MARVELD2: variants seen among roughly 807,000 people sequenced by gnomAD.
MARVELD2 encodes the protein MARVEL domain containing 2, also known as MARVEL domain-containing protein 2.
A neutral mutation model predicts 57.6 loss-of-function variants in MARVELD2; 49 were observed. The ratio of observed to expected loss-of-function variants is 0.85; its 90% CI spans 0.68 to 1.08. The LOEUF (loss-of-function observed/expected upper bound fraction) is 1.08. Among genes scored for constraint, MARVELD2 ranks in the 50% least tolerant of loss-of-function variants. The pLI, the probability that MARVELD2 is intolerant of heterozygous loss-of-function variation, is 0.00. For synonymous variants in MARVELD2, 238 were observed against 258.8 expected (o/e 0.92, Z 0.77); for missense variants, 606 against 701.1 (o/e 0.86, Z 1.53).
At position 69,429,890 on chromosome 5, in the gene MARVELD2, GGTTA is replaced by G. The variant is rs1421986032; in HGVS notation, c.1183-2636_1183-2633del. 6.8e-5 allele frequency among the ~76,000 whole-genome samples: 8 copies of G among 116,868 alleles called. No homozygotes were observed. In the East Asian group the frequency reaches 2.0e-3, roughly 30 times the overall value. 76.7% of individuals were successfully genotyped at this position (116,868 alleles called of 152,430 possible). The stretch of plus-strand genomic sequence containing the variant: ...AGTATCAATAAACCAAATAGTTCTG[GGTTA>G]TTTATTTATTTATTTGTTTGTTTGT... On this transcript the variant is annotated intron_variant, in intron 3 of 6. Coordinates refer to ENST00000325631, the MANE Select transcript of MARVELD2 (RefSeq NM_001038603.3).
At chr5:69,426,388 G>A (rs1050875429) in intron 3 of MARVELD2, among the ~76,000 whole-genome samples, 4 of 148,904 alleles carry the variant, frequency 2.7e-5, no homozygotes, top group African/African-American at 9.8e-5. Flanking sequence ...AGGCTGGAGT[G>A]CAGTGGTGCG....
rs201914751 is a variant in MARVELD2, at chr5:69,419,977, G to A, written c.592G>A (p.Val198Met). 156 of 1,614,192 alleles carry A rather than the reference G, an allele frequency of 9.7e-5. No homozygotes were observed. In the East Asian group the frequency reaches 3.3e-3, roughly 34 times the overall value. The stretch of plus-strand genomic sequence containing the variant: ...GGCAGGCCTGCTGAGAATACTGGGT[G>A]TGGTGGAGCTGCTTTTGGGGGCCGG... ...SWAGLLRILG[V>M]VELLLGAGVF... Residue 198 changes from valine to methionine, a missense_variant, in exon 2 of 7, where the codon GTG (valine) becomes ATG (methionine). By Grantham distance (21) the Val-to-Met change is conservative. Transcript: ENST00000325631.
intron 3 of MARVELD2, among the ~76,000 whole-genome samples, chr5:69,430,720 G>A (rs1426320360): frequency 1.3e-5 from 2 of 151,628 alleles, no homozygotes; most frequent in African/African-American, 4.8e-5. Flanking sequence ...TTTTAGTAGA[G>A]ACAGGGTTTC....
At chr5:69,429,488 T>C (rs1295523453) in intron 3 of MARVELD2, among the ~76,000 whole-genome samples, 2 of 151,992 alleles carry the variant, frequency 1.3e-5, no homozygotes, top group African/African-American at 4.8e-5. Context: ...AAGGGGTCAG[T>C]AGAGGGGAGG....
At chr5:69,432,880 T>G (rs752527110) in intron 4 of MARVELD2, 42 bp from the exon 5 acceptor site, 13 of 1,612,328 alleles carry the variant, frequency 8.1e-6, no homozygotes, top group Non-Finnish European at 1.1e-5. Context: ...TCAGCTTCTT[T>G]TAGTGAAACA....
chr5:69,441,655 C>G lies in MARVELD2; in HGVS notation c.*1C>G. On this transcript the variant is annotated 3_prime_UTR_variant, in exon 7 of 7. Transcript: ENST00000325631. ...TTGGGATGTACAAGGTTATTCTTAA[C>G]GCTTATTTGAAACCACTTTATTTTT... 1.3e-6 allele frequency: 2 copies of G among 1,553,490 alleles called. No homozygotes were observed. Among genetic ancestry groups the G allele is most frequent in the African/African-American group, 1.4e-5 (1 of 73,632 alleles).
chr5:69,425,321 C>T (rs1367081876), intron 3 of MARVELD2, among the ~76,000 whole-genome samples: 11 of 149,418 alleles, frequency 7.4e-5, no homozygotes, highest in Non-Finnish European at 1.6e-4. Context: ...GTGCAGCGCA[C>T]CAGCATGGCA....
At chr5:69,424,672 T>C in intron 3 of MARVELD2, 36 bp downstream of exon 3, 2 of 1,494,906 alleles carry the variant, frequency 1.3e-6, no homozygotes, top group Non-Finnish European at 1.9e-6. Context: ...ATGCTTTAGA[T>C]TTGTTAATAC....
intron 3 of MARVELD2, among the ~76,000 whole-genome samples, chr5:69,428,025 T>C (rs1329944997): frequency 4.6e-5 from 7 of 151,084 alleles, no homozygotes; most frequent in African/African-American, 1.7e-4. Context: ...GGCAGGAGAG[T>C]GGCTTGAACT....
rs1561289726 is a variant in MARVELD2 at position 69,419,584 on chromosome 5, GA to G, written c.201del (p.Glu68AsnfsTer4). ...CCCAGACTTCTACTCAAGTGACACA[GA>G]AGAACCAGCTATAGCGCCAGATCTC... ...FGPDFYSSDTEEPAIAPDLKP... is the reference protein window; with the variant it reads ...FGPDFYSSDTXEPAIAPDLKP... On this transcript the variant is annotated frameshift_variant, in exon 2 of 7. Coordinates refer to ENST00000325631, the MANE Select transcript of MARVELD2 (RefSeq NM_001038603.3). LOFTEE classifies it high-confidence loss of function. The G allele has an allele frequency of 6.2e-7, 1 of 1,614,068 alleles. No individual in the cohort carries two copies. The highest frequency in any genetic ancestry group is 1.7e-5 in the Admixed American group (1 of 60,010).
At position 69,420,038 on chromosome 5, in the gene MARVELD2, A is replaced by G; in HGVS notation, c.653A>G (p.Asp218Gly). Residue 218 changes from aspartate (D) to glycine (G), a missense_variant, in exon 2 of 7, where the codon GAC (aspartate) becomes GGC (glycine). Transcript: ENST00000325631. The stretch of plus-strand genomic sequence containing the variant: ...TGTGTCACAGCTTACATTCACAAGG[A>G]CAGTGAGTGGTACAACTTGTTTGGA... ...FACVTAYIHK[D>G]SEWYNLFGYS... The G allele has an allele frequency of 3.1e-6, 5 of 1,614,186 alleles. No individual in the cohort carries two copies. The highest frequency in any genetic ancestry group is 4.2e-6 in the Non-Finnish European group (5 of 1,180,042).
At chr5:69,426,699 A>G (rs2150921620) in intron 3 of MARVELD2, among the ~76,000 whole-genome samples, 1 of 152,222 alleles carries the variant, frequency 6.6e-6, no homozygotes, top group East Asian at 1.9e-4. Flanking sequence ...AAAAGAGAGC[A>G]TATTTACTTG....
At chr5:69,424,546 T>A in intron 2 of MARVELD2, 55 bp from the exon 3 acceptor site, 1 of 1,462,342 alleles carries the variant, frequency 6.8e-7, no homozygotes, top group East Asian at 2.3e-5. Flanking sequence ...ATGAAAATAT[T>A]TGCAAAGTAG....
intron 2 of MARVELD2, among the ~76,000 whole-genome samples, chr5:69,422,284 G>A (rs1046215524): frequency 1.3e-4 from 20 of 152,192 alleles, no homozygotes; most frequent in Admixed American, 3.3e-4. Flanking sequence ...TGAGCTGGGC[G>A]GAACAGAGCC....
chr5:69,423,022 C>G (rs966704430), intron 2 of MARVELD2, among the ~76,000 whole-genome samples: 10 of 152,310 alleles, frequency 6.6e-5, no homozygotes, highest in Middle Eastern at 3.4e-3. Context: ...CTCAGCCCCC[C>G]TAGTAGCTGG....
At chr5:69,434,204 C>T (rs1018054147) in intron 5 of MARVELD2, among the ~76,000 whole-genome samples, 4 of 152,102 alleles carry the variant, frequency 2.6e-5, no homozygotes, top group African/African-American at 9.7e-5. Context: ...TGGCTTATGC[C>T]TGTAATCCCA....
Position 69,443,749 on chromosome 5 carries a change from A to C in MARVELD2, c.*2095A>C, listed in dbSNP as rs1247838527. 2.6e-5 allele frequency: 4 copies of C among 152,132 alleles called. No individual in the cohort carries two copies. The highest frequency in any genetic ancestry group is 4.4e-5 in the Non-Finnish European group (3 of 68,026). 9.4% of individuals were successfully genotyped at this position (152,132 alleles called of 1,614,324 possible). ...GTTTTCTAAAGTGATAAAACCAAAG[A>C]AAAGCATGTGGAAAAGCAGAAGCTT... is the stretch of plus-strand genomic sequence containing the variant. On this transcript the variant is annotated 3_prime_UTR_variant, in exon 7 of 7. Transcript: ENST00000325631.
chr5:69,432,654 T>C lies in MARVELD2; in HGVS notation c.1310T>C (p.Ile437Thr), dbSNP rs140452135. The change falls in exon 4 of 7, where the codon ATC becomes ACC. Residue 437 changes from isoleucine (I) to threonine (T), a missense_variant. By Grantham distance (89) the Ile-to-Thr change is moderately conservative (BLOSUM62 -1). Transcript: ENST00000325631. Reference sequence around the variant, plus strand: ...CCCCCAGGCCACATTCCTAAACCTATCGTGATGCCCGACTATGTGGCGTGA... The same window carrying C: ...CCCCCAGGCCACATTCCTAAACCTACCGTGATGCCCGACTATGTGGCGTGA... ...HIPPGHIPKPIVMPDYVAKYP... is the reference protein window; with the variant it reads ...HIPPGHIPKPTVMPDYVAKYP... 2.2e-5 allele frequency: 36 copies of C among 1,614,068 alleles called. No homozygotes were observed. The African/African-American group carries it at 4.5e-4, about 20-fold the overall frequency.
chr5:69,426,853 G>A (rs1230512521), intron 3 of MARVELD2, among the ~76,000 whole-genome samples: 1 of 151,858 alleles, frequency 6.6e-6, no homozygotes, highest in Non-Finnish European at 1.5e-5. Flanking sequence ...ATAATTTTTA[G>A]TAGAGAAGAG....
Sources: gnomAD v4.1 joint callset for allele counts (sites outside exome capture counted in the v4.1 genomes callset) on GRCh38, gnomAD v4.1.1 for gene constraint, MANE v1.5 for transcripts, NCBI Gene and HGNC (gene_info 2026-07-23, HGNC 2026-07-21) for gene names.